GRIN3A: variants seen among roughly 807,000 people sequenced by gnomAD.
GRIN3A encodes glutamate ionotropic receptor NMDA type subunit 3A.
In GRIN3A, 47 loss-of-function variants were observed where a neutral mutation model predicts 92.4. The observed-to-expected ratio is 0.51, with a 90% CI of 0.40 to 0.65. The LOEUF (loss-of-function observed/expected upper bound fraction) is 0.65. Ranked by LOEUF, GRIN3A falls within the 30% of genes least tolerant of loss-of-function variation. The pLI is 0.00. For missense variants in GRIN3A, 1,324 were observed against 1,393.1 expected, an observed-to-expected ratio of 0.95 and a Z score of 0.79; for synonymous variants, 527 against 540.6, an observed-to-expected ratio of 0.97 and a Z score of 0.35.
At chr9:101,579,416 G>C (rs1827863427) in intron 6 of GRIN3A, 56 bp from the exon 7 acceptor site, 1 of 1,550,026 alleles carries the variant, frequency 6.5e-7, no homozygotes, top group Non-Finnish European at 8.9e-7. Flanking sequence ...CTGGCCCAAT[G>C]CTTGTGTACT....
intron 5 of GRIN3A, among the ~76,000 whole-genome samples, chr9:101,615,602 G>A (rs957164087): frequency 6.6e-6 from 1 of 151,996 alleles, no homozygotes; most frequent in Admixed American, 6.6e-5. Context: ...TGATCCACCT[G>A]CCTCGGCCTC....
At chr9:101,578,247 A>G (rs1018695629) in intron 7 of GRIN3A, among the ~76,000 whole-genome samples, 4 of 152,174 alleles carry the variant, frequency 2.6e-5, no homozygotes, top group Admixed American at 6.6e-5. Context: ...TCATATTAGC[A>G]TACAATAAGG....
chr9:101,594,667 C>T (rs778025730), intron 6 of GRIN3A: 2 of 1,614,194 alleles, frequency 1.2e-6, no homozygotes, highest in South Asian at 2.2e-5. Context: ...CCTCGTCGCC[C>T]TTGACGCTGA....
intron 1 of GRIN3A, among the ~76,000 whole-genome samples, chr9:101,713,015 C>A (rs992732508): frequency 6.6e-6 from 1 of 152,150 alleles, no homozygotes; most frequent in African/African-American, 2.4e-5. Flanking sequence ...TAGTAATTGG[C>A]AGAGATGGGA....
At chr9:101,610,625 C>CTGTCT in intron 6 of GRIN3A, among the ~76,000 whole-genome samples, 1 of 141,626 alleles carries the variant, frequency 7.1e-6, no homozygotes, top group East Asian at 2.0e-4. Flanking sequence ...ATCTATCTAT[C>CTGTCT]ATCTATCTAT....
chr9:101,584,920 G>T (rs754458524), intron 6 of GRIN3A, among the ~76,000 whole-genome samples: 37 of 152,184 alleles, frequency 2.4e-4, no homozygotes, highest in Admixed American at 1.2e-3. Flanking sequence ...CTCATCATTT[G>T]TTTTTGATGT....
At chr9:101,711,494 C>T (rs1829878560) in intron 1 of GRIN3A, among the ~76,000 whole-genome samples, 1 of 152,110 alleles carries the variant, frequency 6.6e-6, no homozygotes, top group Admixed American at 6.6e-5. Flanking sequence ...TGTATTCCAC[C>T]CATTACGTTT....
At chr9:101,623,284 G>A in intron 5 of GRIN3A, 34 bp downstream of exon 5, 4 of 1,419,878 alleles carry the variant, frequency 2.8e-6, no homozygotes, top group Non-Finnish European at 4.0e-6. Flanking sequence ...AGCACATCCT[G>A]AGTAAAAGTG....
Position 101,670,836 on chromosome 9 carries a change from C to G in GRIN3A, c.1576G>C (p.Val526Leu). 6.2e-7 allele frequency: 1 copy of G among 1,613,972 alleles called. No individual in the cohort carries two copies. ...TCATCATCTACCTCCCTTGTGAAGA[C>G]AAAAGGATGCTCAATCAGGGTAACC... is the stretch of plus-strand genomic sequence containing the variant. ...RVVTLIEHPFVFTREVDDEGL... is the reference protein window; with the variant it reads ...RVVTLIEHPFLFTREVDDEGL... The change falls in exon 3 of 9, where the codon GTC (valine) becomes CTC (leucine). Residue 526 changes from valine to leucine, a missense_variant. Physicochemically the swap from Val to Leu is conservative, Grantham distance 32 (BLOSUM62 1). Transcript: ENST00000361820.
In GRIN3A at chr9:101,687,182, G is replaced by A. The variant is rs750786807; in HGVS notation, c.718C>T (p.Leu240=). 8.1e-6 allele frequency: 13 copies of A among 1,613,912 alleles called. No homozygotes were observed. The highest frequency in any genetic ancestry group is 1.7e-5 in the Admixed American group (1 of 60,024). The change falls in exon 2 of 9, where the codon CTG becomes TTG. Residue 240 remains leucine (L), a synonymous_variant. Coordinates refer to ENST00000361820, the MANE Select transcript of GRIN3A (RefSeq NM_133445.3). ...RESQNPLHLQ[L]SLENSLSSDA... The stretch of plus-strand genomic sequence containing the variant: ...GAACTTAATGAATTTTCTAAACTCA[G>A]TTGTAGGTGAAGGGGATTCTGTATT...
At chr9:101,660,994 A>G (rs906338235) in intron 3 of GRIN3A, among the ~76,000 whole-genome samples, 4 of 151,954 alleles carry the variant, frequency 2.6e-5, no homozygotes, top group African/African-American at 9.7e-5. Context: ...AAAGTGGGAC[A>G]GTTAACAAAC....
At chr9:101,622,586 CA>C (rs534440996) in intron 5 of GRIN3A, among the ~76,000 whole-genome samples, 81 of 152,204 alleles carry the variant, frequency 5.3e-4, no homozygotes, top group Middle Eastern at 3.4e-3. Flanking sequence ...CCTGAGATCC[CA>C]AACAAGGATC....
intron 1 of GRIN3A, among the ~76,000 whole-genome samples, chr9:101,718,560 C>G (rs192430292): frequency 4.0e-4 from 61 of 152,282 alleles, no homozygotes; most frequent in African/African-American, 1.4e-3. Context: ...CTACGCTAAG[C>G]TGCTTAGAAT....
At chr9:101,614,608 A>ATTTT (rs1564126676) in intron 5 of GRIN3A, among the ~76,000 whole-genome samples, 108 of 128,386 alleles carry the variant, frequency 8.4e-4, no homozygotes, top group African/African-American at 3.2e-3. Context: ...TATATGTGAT[A>ATTTT]CTTTTTTTTT....
chr9:101,588,952 T>C (rs897971011), intron 6 of GRIN3A, among the ~76,000 whole-genome samples: 1 of 150,598 alleles, frequency 6.6e-6, no homozygotes, highest in Non-Finnish European at 1.5e-5. Context: ...ATTGCTACAA[T>C]AAAAATTTTG....
chr9:101,634,489 T>C (rs543069179), intron 3 of GRIN3A, among the ~76,000 whole-genome samples: 1 of 151,652 alleles, frequency 6.6e-6, no homozygotes, highest in African/African-American at 2.4e-5. Context: ...TATATGCTAA[T>C]AAATTCATAT....
At chr9:101,715,859 A>T (rs1010206614) in intron 1 of GRIN3A, among the ~76,000 whole-genome samples, 1 of 152,214 alleles carries the variant, frequency 6.6e-6, no homozygotes, top group Non-Finnish European at 1.5e-5. Flanking sequence ...GGAAGGAAAT[A>T]TATGTTAAGG....
At chr9:101,607,405 AC>A (rs1232637445) in intron 6 of GRIN3A, among the ~76,000 whole-genome samples, 5 of 152,198 alleles carry the variant, frequency 3.3e-5, no homozygotes, top group Admixed American at 1.3e-4. Flanking sequence ...ACAGACTTAC[AC>A]AGGAACTGTA....
At chr9:101,700,954 A>G (rs976324483) in intron 1 of GRIN3A, among the ~76,000 whole-genome samples, 3 of 152,220 alleles carry the variant, frequency 2.0e-5, no homozygotes, top group Non-Finnish European at 2.9e-5. Context: ...AAAGTACCTT[A>G]GTATTTTGCA....
Sources: allele counts gnomAD v4.1 joint callset (sites outside exome capture counted in the v4.1 genomes callset), GRCh38; gene constraint gnomAD v4.1.1; transcripts MANE v1.5; gene names NCBI Gene and HGNC (gene_info 2026-07-23, HGNC 2026-07-21).